The following NCAM1 variants were observed in gnomAD, a reference collection of about 807,000 sequenced individuals.
NCAM1 encodes neural cell adhesion molecule 1, also known as antigen recognized by monoclonal antibody 5.1H11.
A neutral mutation model predicts 109.8 loss-of-function variants in NCAM1; 14 were observed. The observed-to-expected ratio is 0.13, with a 90% CI of 0.08 to 0.20. The LOEUF (loss-of-function observed/expected upper bound fraction) is 0.20. Among genes scored for constraint, NCAM1 ranks in the 10% least tolerant of loss-of-function variants. NCAM1 has a pLI of 1.00. For synonymous variants in NCAM1, 418 were observed against 442.9 expected, an observed-to-expected ratio of 0.94 and a Z score of 0.70; for missense variants, 774 against 1,109.9, an observed-to-expected ratio of 0.70 and a Z score of 4.30.
At chr11:113,097,606 T>A (rs1233456609) in intron 1 of NCAM1, among the ~76,000 whole-genome samples, 1 of 6,650 alleles carries the variant, frequency 1.5e-4, no homozygotes, top group Non-Finnish European at 2.6e-4. Flanking sequence ...TGACTTGGGC[T>A]TTTTTTTTTT....
At chr11:113,184,868 A>T (rs1555108591) in intron 1 of NCAM1, among the ~76,000 whole-genome samples, 1 of 152,032 alleles carries the variant, frequency 6.6e-6, no homozygotes, top group Non-Finnish European at 1.5e-5. Context: ...TCCAGTCGTA[A>T]CGTCCTGTCT....
At chr11:113,213,583 A>AGG (rs1944448812) in intron 7 of NCAM1, among the ~76,000 whole-genome samples, 1 of 151,478 alleles carries the variant, frequency 6.6e-6, no homozygotes, top group South Asian at 2.1e-4. Flanking sequence ...AGTCACCTGG[A>AGG]CTCCTTCTTA....
At chr11:113,270,111 C>G in intron 17 of NCAM1, 77 bp from the exon 18 acceptor site, 1 of 1,443,940 alleles carries the variant, frequency 6.9e-7, no homozygotes, top group East Asian at 2.3e-5. Context: ...TCCCCACCCG[C>G]AGGGGCTTTT....
intron 1 of NCAM1, among the ~76,000 whole-genome samples, chr11:113,158,160 G>C (rs1327599140): frequency 6.6e-6 from 1 of 152,104 alleles, no homozygotes; most frequent in African/African-American, 2.4e-5. Context: ...TTAAGTATTG[G>C]AAAATTGTTA....
At chr11:113,221,446 G>A (rs565712247) in intron 9 of NCAM1, 121 bp downstream of exon 9, 16 of 1,028,862 alleles carry the variant, frequency 1.6e-5, no homozygotes, top group East Asian at 5.3e-5. Context: ...AGAATAGGTC[G>A]ATAGTGGTAG....
intron 1 of NCAM1, among the ~76,000 whole-genome samples, chr11:113,169,237 C>A (rs568722207): frequency 9.2e-5 from 14 of 152,114 alleles, no homozygotes; most frequent in Admixed American, 9.2e-4. Context: ...GCTAGACAGA[C>A]GTGTTTGCCC....
intron 1 of NCAM1, among the ~76,000 whole-genome samples, chr11:112,986,394 G>T (rs66485141): frequency 0.14 from 20,545 of 151,820 alleles, 1,432 homozygotes; most frequent in African/African-American, 0.15. Flanking sequence ...GTCCTTGTCT[G>T]GCTTTGATAT....
intron 1 of NCAM1, among the ~76,000 whole-genome samples, chr11:112,972,590 C>T (rs921067047): frequency 7.9e-5 from 12 of 152,072 alleles, no homozygotes; most frequent in South Asian, 2.1e-4. Flanking sequence ...GACTGGAAGA[C>T]GGTAAATCAC....
intron 8 of NCAM1, among the ~76,000 whole-genome samples, chr11:113,219,949 C>A (rs1256979716): frequency 6.6e-6 from 1 of 152,234 alleles, no homozygotes; most frequent in Non-Finnish European, 1.5e-5. Context: ...ATTTCCATCT[C>A]ATTTCTCACA....
chr11:113,260,473 A>T (rs1237328905), intron 17 of NCAM1, 150 bp downstream of exon 17: 1 of 853,974 alleles, frequency 1.2e-6, no homozygotes, highest in African/African-American at 1.7e-5. Context: ...TTTGCCTTGT[A>T]CCTATCTGTG....
chr11:113,270,846 A>G (rs1487350835), intron 18 of NCAM1, among the ~76,000 whole-genome samples: 1 of 152,194 alleles, frequency 6.6e-6, no homozygotes, highest in Non-Finnish European at 1.5e-5. Flanking sequence ...TAGGTACAAC[A>G]GGGAACAAAC....
At chr11:112,995,856 GT>G (rs1323234174) in intron 1 of NCAM1, among the ~76,000 whole-genome samples, 4 of 152,162 alleles carry the variant, frequency 2.6e-5, no homozygotes, top group Non-Finnish European at 5.9e-5. Flanking sequence ...GTCTGTTTCT[GT>G]TTGGCTAGTT....
At chr11:113,202,618 C>T (rs1944103112) in intron 2 of NCAM1, among the ~76,000 whole-genome samples, 165 bp downstream of exon 2, 2 of 152,204 alleles carry the variant, frequency 1.3e-5, no homozygotes, top group Admixed American at 6.5e-5. Flanking sequence ...GCCAGGGCCT[C>T]TTCCTTCCTT....
At chr11:113,123,864 T>C (rs1941071553) in intron 1 of NCAM1, among the ~76,000 whole-genome samples, 2 of 152,184 alleles carry the variant, frequency 1.3e-5, no homozygotes, top group Non-Finnish European at 2.9e-5. Context: ...GTAGACCCAC[T>C]GGTGCTTGGG....
At chr11:113,128,926 T>G (rs189511916) in intron 1 of NCAM1, among the ~76,000 whole-genome samples, 1 of 151,618 alleles carries the variant, frequency 6.6e-6, no homozygotes, top group East Asian at 1.9e-4. Context: ...TGTGTGTGTG[T>G]GTGTGTGTGT....
chr11:113,118,791 G>A (rs1940820838), intron 1 of NCAM1, among the ~76,000 whole-genome samples: 1 of 151,874 alleles, frequency 6.6e-6, no homozygotes, highest in Admixed American at 6.6e-5. Context: ...GTATTCATTT[G>A]AGGCATAGAG....
At chr11:113,202,872 T>C (rs1378112120) in intron 2 of NCAM1, among the ~76,000 whole-genome samples, 2 of 152,312 alleles carry the variant, frequency 1.3e-5, no homozygotes, top group Non-Finnish European at 2.9e-5. Flanking sequence ...AGCTTGAAAA[T>C]CTAAGTCTAA....
chr11:112,964,608 G>A (rs1249182837), intron 1 of NCAM1, among the ~76,000 whole-genome samples: 6 of 152,248 alleles, frequency 3.9e-5, no homozygotes, highest in Non-Finnish European at 7.4e-5. Context: ...ATTAAGGTGC[G>A]CTTCCACAAA....
chr11:112,977,118 TA>T (rs5794833), intron 1 of NCAM1, among the ~76,000 whole-genome samples: 142,059 of 149,560 alleles, frequency 0.95, 67,865 homozygotes, highest in East Asian at 1. Flanking sequence ...GAAACTTTGG[TA>T]AAAAAAAAAA....
Sources: allele counts gnomAD v4.1 joint callset (sites outside exome capture counted in the v4.1 genomes callset), GRCh38; gene constraint gnomAD v4.1.1; transcripts MANE v1.5; gene names NCBI Gene and HGNC (gene_info 2026-07-23, HGNC 2026-07-21).